The following KLF12 variants were observed in gnomAD, a reference collection of about 807,000 sequenced individuals.
The protein encoded by KLF12 is KLF transcription factor 12.
KLF12 carries 9 observed loss-of-function variants against 37.8 expected under a neutral mutation model. The ratio of observed to expected loss-of-function variants is 0.24; its 90% CI spans 0.14 to 0.42. The LOEUF is 0.42. KLF12 is among the 10% of genes least tolerant of loss of function. The pLI is 1.00. For synonymous variants in KLF12, 208 were observed against 202.1 expected, an observed-to-expected ratio of 1.03 and a Z score of -0.25; for missense variants, 411 against 516.0, an observed-to-expected ratio of 0.80 and a Z score of 1.97.
intron 5 of KLF12, among the ~76,000 whole-genome samples, chr13:73,770,876 G>C (rs1880225733): frequency 6.6e-6 from 1 of 152,070 alleles, no homozygotes; most frequent in Non-Finnish European, 1.5e-5. Flanking sequence ...TAATGTCATA[G>C]ACACTGAAAG....
chr13:73,861,788 T>C (rs1375835438), intron 3 of KLF12, among the ~76,000 whole-genome samples: 3 of 152,220 alleles, frequency 2.0e-5, no homozygotes, highest in African/African-American at 7.2e-5. Context: ...TGCACCTCCG[T>C]GGGTATGTGA....
At chr13:73,882,057 G>A (rs946624866) in intron 3 of KLF12, among the ~76,000 whole-genome samples, 5 of 152,060 alleles carry the variant, frequency 3.3e-5, no homozygotes, top group African/African-American at 1.2e-4. Flanking sequence ...CTATTAGCTC[G>A]CTTAATATTG....
intron 1 of KLF12, among the ~76,000 whole-genome samples, chr13:74,104,661 T>C (rs1056832151): frequency 6.6e-6 from 1 of 152,172 alleles, no homozygotes; most frequent in African/African-American, 2.4e-5. Flanking sequence ...CAAGAAAACT[T>C]TTTCCTAGTT....
chr13:73,964,218 C>T (rs1891109388), intron 2 of KLF12, among the ~76,000 whole-genome samples: 1 of 152,142 alleles, frequency 6.6e-6, no homozygotes, highest in African/African-American at 2.4e-5. Flanking sequence ...TGTACTTTCA[C>T]ACACCCACAC....
chr13:73,942,509 G>T lies in KLF12; in HGVS notation c.123+1472C>A, dbSNP rs1157768570. Among the ~76,000 whole-genome samples the T allele has an allele frequency of 1.9e-4, 29 of 152,054 alleles. 2 individuals carry two copies. Among genetic ancestry groups the T allele is most frequent in the Non-Finnish European group, 2.9e-5 (2 of 68,016 alleles). ...TAAGACAAATCCTCCCCATGGTTAG[G>T]TTAATCAATAAAGGTTGAAACTATC... On this transcript the variant is annotated intron_variant, in intron 3 of 7. Transcript: ENST00000377669.
At chr13:73,880,717 A>G (rs1886938560) in intron 3 of KLF12, among the ~76,000 whole-genome samples, 1 of 152,226 alleles carries the variant, frequency 6.6e-6, no homozygotes, top group Non-Finnish European at 1.5e-5. Flanking sequence ...GTGCATGAAC[A>G]GGGCTGGTCT....
chr13:74,083,178 TA>T (rs1875017232), intron 1 of KLF12, among the ~76,000 whole-genome samples: 1 of 152,016 alleles, frequency 6.6e-6, no homozygotes, highest in Non-Finnish European at 1.5e-5. Flanking sequence ...TTATAAGGAG[TA>T]ATGGTAATTT....
chr13:74,199,694 T>C, the KLF12 span, among the ~76,000 whole-genome samples: 1 of 152,220 alleles, frequency 6.6e-6, no homozygotes, highest in South Asian at 2.1e-4. Flanking sequence ...GTCATAGCCA[T>C]GTTGATTGTC....
chr13:73,981,397 G>C (rs751471062), intron 2 of KLF12, among the ~76,000 whole-genome samples: 1 of 152,052 alleles, frequency 6.6e-6, no homozygotes, highest in South Asian at 2.1e-4. Flanking sequence ...ATAAATTATG[G>C]TGTAGTCATA....
chr13:73,737,723 T>C (rs1187151172), intron 6 of KLF12, among the ~76,000 whole-genome samples: 1 of 152,112 alleles, frequency 6.6e-6, no homozygotes, highest in Non-Finnish European at 1.5e-5. Flanking sequence ...TATGGATATG[T>C]GGAAATATAC....
intron 3 of KLF12, among the ~76,000 whole-genome samples, chr13:73,925,821 T>C (rs1364135719): frequency 6.6e-6 from 1 of 152,178 alleles, no homozygotes; most frequent in Non-Finnish European, 1.5e-5. Context: ...TTGGAATAAG[T>C]TGATTTCACC....
chr13:74,142,996 T>C, the KLF12 span, among the ~76,000 whole-genome samples: 1 of 151,638 alleles, frequency 6.6e-6, no homozygotes, highest in Admixed American at 6.6e-5. Flanking sequence ...CCTTCCTTCC[T>C]TCTTTCCTTC....
chr13:73,736,279 C>G (rs188127223), intron 6 of KLF12, among the ~76,000 whole-genome samples: 24 of 152,270 alleles, frequency 1.6e-4, no homozygotes, highest in African/African-American at 5.8e-4. Context: ...AGTTTGAGAA[C>G]TGTTTCATAG....
chr13:73,916,451 T>C (rs1432731595), intron 3 of KLF12, among the ~76,000 whole-genome samples: 3 of 152,174 alleles, frequency 2.0e-5, no homozygotes, highest in Non-Finnish European at 4.4e-5. Context: ...CACGAGGTTA[T>C]TTCTTCTGCA....
the KLF12 span, among the ~76,000 whole-genome samples, chr13:74,228,630 T>C: frequency 7.9e-5 from 12 of 152,084 alleles, no homozygotes; most frequent in Non-Finnish European, 1.5e-5. Context: ...TTTTTACCCA[T>C]ACTGTGATAT....
At chr13:74,028,933 C>T (rs1198303195) in intron 1 of KLF12, among the ~76,000 whole-genome samples, 1 of 151,992 alleles carries the variant, frequency 6.6e-6, no homozygotes, top group Non-Finnish European at 1.5e-5. Context: ...TTGCAGTTAT[C>T]ACTATTAATA....
intron 6 of KLF12, among the ~76,000 whole-genome samples, chr13:73,761,875 G>A (rs967250234): frequency 6.6e-6 from 1 of 152,162 alleles, no homozygotes; most frequent in African/African-American, 2.4e-5. Context: ...GTAAAGAGGA[G>A]CGGTCTGATG....
At chr13:74,303,237 C>T in the KLF12 span, among the ~76,000 whole-genome samples, 1 of 152,088 alleles carries the variant, frequency 6.6e-6, no homozygotes, top group Non-Finnish European at 1.5e-5. Context: ...CTTCTTGTGT[C>T]GTCTGCATCT....
At chr13:74,290,789 C>T in the KLF12 span, among the ~76,000 whole-genome samples, 1 of 152,146 alleles carries the variant, frequency 6.6e-6, no homozygotes, top group African/African-American at 2.4e-5. Context: ...CGTTGTTGTC[C>T]TGAAGACAAA....
Sources: gnomAD v4.1 joint callset for allele counts (sites outside exome capture counted in the v4.1 genomes callset) on GRCh38, gnomAD v4.1.1 for gene constraint, MANE v1.5 for transcripts, NCBI Gene and HGNC (gene_info 2026-07-23, HGNC 2026-07-21) for gene names.